Variants in MICAL3 observed in about 807,000 individuals in gnomAD.
MICAL3 encodes the protein microtubule associated monooxygenase, calponin and LIM domain containing 3.
Under a neutral mutation model 207.4 loss-of-function variants are expected in MICAL3, and 62 were observed. The observed-to-expected ratio is 0.30, with a 90% CI of 0.24 to 0.37. The LOEUF (loss-of-function observed/expected upper bound fraction) is 0.37. MICAL3 is among the 10% of genes least tolerant of loss of function. The pLI, the probability that MICAL3 is intolerant of heterozygous loss-of-function variation, is 1.00. For missense variants in MICAL3, 2,368 were observed against 2,635.6 expected, an observed-to-expected ratio of 0.90 and a Z score of 2.22; for synonymous variants, 1,077 against 1,069.3, an observed-to-expected ratio of 1.01 and a Z score of -0.14.
rs141404569 is a variant in MICAL3 at position 17,954,040 on chromosome 22, C to T, written c.-74-47154G>A. Among the ~76,000 whole-genome samples the T allele has an allele frequency of 7.8e-4, 115 of 147,732 alleles. 1 individual carries two copies. Among genetic ancestry groups the T allele is most frequent in the Non-Finnish European group, 1.4e-3 (97 of 67,414 alleles). On this transcript the variant is annotated intron_variant, in intron 1 of 31. Coordinates refer to ENST00000441493, the MANE Select transcript of MICAL3 (RefSeq NM_015241.3). ...ACGGCATTCTGGGGAAGCAGTGTGA[C>T]ATTTATATGAAATATATGAGGTGAG... is the stretch of plus-strand genomic sequence containing the variant.
intron 1 of MICAL3, among the ~76,000 whole-genome samples, chr22:17,924,830 T>C (rs897069255): frequency 2.6e-5 from 4 of 152,130 alleles, no homozygotes; most frequent in African/African-American, 4.8e-5. Flanking sequence ...CAGGATGACA[T>C]AGTAACATGC....
At position 17,817,668 on chromosome 22, in the gene MICAL3, G is replaced by C; in HGVS notation, c.4993C>G (p.His1665Asp). 6.2e-7 allele frequency: 1 copy of C among 1,610,960 alleles called. No homozygotes were observed. The highest frequency in any genetic ancestry group is 8.5e-7 in the Non-Finnish European group (1 of 1,179,228). The change falls in exon 26 of 32, where the codon CAT becomes GAT. Residue 1665 changes from histidine (H) to aspartate (D), a missense_variant. His to Asp is a moderately conservative substitution (Grantham distance 81). Around this residue, in one of 4 missense-constraint regions of MICAL3, gnomAD observed 1,770 missense variants for 1,863.2 expected, o/e 0.95. Transcript: ENST00000441493. The stretch of plus-strand genomic sequence containing the variant: ...AGGACCTCCTCGCTGGTGGCTTCAT[G>C]CTTCAGGGTGGGCTCCTCGGAGCCC... ...LRGSEEPTLKHEATSEEVLSP... is the reference protein window; with the variant it reads ...LRGSEEPTLKDEATSEEVLSP...
intron 16 of MICAL3, chr22:17,876,572 T>G (rs1334508332): frequency 6.6e-6 from 1 of 152,340 alleles, no homozygotes; most frequent in Non-Finnish European, 1.5e-5. Flanking sequence ...GCACCGCCCC[T>G]CAGAAGGAAG....
At chr22:17,797,894 C>T (rs1235230781) in intron 29 of MICAL3, among the ~76,000 whole-genome samples, 1 of 152,246 alleles carries the variant, frequency 6.6e-6, no homozygotes, top group Non-Finnish European at 1.5e-5. Context: ...GACAACTGGC[C>T]CCGGGGACCT....
chr22:17,971,689 T>C (rs1350176635), intron 1 of MICAL3, among the ~76,000 whole-genome samples: 3 of 152,126 alleles, frequency 2.0e-5, no homozygotes, highest in African/African-American at 7.2e-5. Flanking sequence ...CAGCCATCGG[T>C]GTAAAAACGT....
chr22:17,877,138 AGGTT>A (rs1928677288), intron 16 of MICAL3, among the ~76,000 whole-genome samples: 1 of 143,534 alleles, frequency 7.0e-6, no homozygotes, highest in African/African-American at 2.8e-5. Flanking sequence ...GAGGTTAGGG[AGGTT>A]ATGGAGGTTA....
chr22:17,882,680 C>T (rs147448224), intron 16 of MICAL3, among the ~76,000 whole-genome samples: 16 of 152,208 alleles, frequency 1.1e-4, no homozygotes, highest in African/African-American at 2.7e-4. Flanking sequence ...CTGGTAAATT[C>T]GCAAATCCCT....
intron 16 of MICAL3, among the ~76,000 whole-genome samples, chr22:17,880,856 C>T (rs951532307): frequency 2.0e-5 from 3 of 152,214 alleles, no homozygotes; most frequent in East Asian, 1.9e-4. Flanking sequence ...CACTGTGCAG[C>T]GAGAGAAAAG....
At chr22:18,007,751 G>A (rs443435) in intron 1 of MICAL3, among the ~76,000 whole-genome samples, 63,700 of 150,688 alleles carry the variant, frequency 0.42, 14,244 homozygotes, top group East Asian at 0.61. Flanking sequence ...CAGGTGATCG[G>A]GACCATCCTG....
rs1186009323 is a variant in MICAL3, at chr22:17,897,064, C to T, written c.949-83G>A. ...CATGTTACACAACCCAGGGCCACAG[C>T]TTCTTCTTCCCCCTAAAGTGACTCC... On this transcript the variant is annotated intron_variant, in intron 7 of 31. Transcript: ENST00000441493. 4.9e-6 allele frequency: 7 copies of T among 1,439,260 alleles called. No individual in the cohort carries two copies. The Admixed American group carries it at 8.8e-5, about 18-fold the overall frequency. The allele number at this position is 1,439,260 out of a possible 1,614,324, so 89.2% of individuals were successfully genotyped here. A position where few individuals can be genotyped will look rare whatever the true frequency, so the allele number is the denominator to read the frequency against.
At chr22:17,807,665 C>T (rs556230356) in intron 29 of MICAL3, among the ~76,000 whole-genome samples, 1 of 152,318 alleles carries the variant, frequency 6.6e-6, no homozygotes, top group South Asian at 2.1e-4. Flanking sequence ...CCATTCTGGA[C>T]TCCCTCACTC....
chr22:17,954,291 A>T (rs1934507822), intron 1 of MICAL3, among the ~76,000 whole-genome samples: 1 of 152,046 alleles, frequency 6.6e-6, no homozygotes, highest in Admixed American at 6.5e-5. Context: ...AGTGGGGGAC[A>T]GAGATCAGGT....
chr22:18,005,512 C>G (rs1449271806), intron 1 of MICAL3: 3 of 152,180 alleles, frequency 2.0e-5, no homozygotes, highest in Non-Finnish European at 4.4e-5. Flanking sequence ...TACAAAATAG[C>G]AAAACCTAAG....
At chr22:17,794,278 G>T (rs530802847) in intron 29 of MICAL3, among the ~76,000 whole-genome samples, 1 of 152,374 alleles carries the variant, frequency 6.6e-6, no homozygotes, top group South Asian at 2.1e-4. Context: ...GGTCTGCCTG[G>T]CTCTGAGACA....
intron 1 of MICAL3, among the ~76,000 whole-genome samples, chr22:17,977,381 T>G (rs115002422): frequency 1.3e-3 from 191 of 152,074 alleles, no homozygotes; most frequent in African/African-American, 4.4e-3. Flanking sequence ...GCCAAAGGAT[T>G]TGGACAGATA....
Position 17,863,278 on chromosome 22 carries a change from GTTTCT to G in MICAL3, c.2605+1616_2605+1620del, listed in dbSNP as rs771326445. 3.9e-5 allele frequency: 38 copies of G among 985,372 alleles called. No individual in the cohort carries two copies. The South Asian group carries it at 1.4e-3, about 35-fold the overall frequency. 61.0% of individuals were successfully genotyped at this position (985,372 alleles called of 1,614,324 possible). ...ACTCCAAACCGAAATGGAAAGTTTA[GTTTCT>G]TTTGAGTTGTTCTACTGAGTAGTCA... On this transcript the variant is annotated intron_variant, in intron 19 of 31. Coordinates refer to ENST00000441493, the MANE Select transcript of MICAL3 (RefSeq NM_015241.3).
At chr22:17,924,138 C>T (rs969965780) in intron 1 of MICAL3, among the ~76,000 whole-genome samples, 5 of 152,222 alleles carry the variant, frequency 3.3e-5, no homozygotes, top group Non-Finnish European at 2.9e-5. Context: ...CCTCCCACGA[C>T]ACGTGGGGAA....
intron 1 of MICAL3, among the ~76,000 whole-genome samples, chr22:17,931,110 C>A (rs1279197002): frequency 6.6e-6 from 1 of 152,204 alleles, no homozygotes; most frequent in East Asian, 1.9e-4. Flanking sequence ...ACATCCCCAC[C>A]ATCTGGACCC....
At chr22:18,005,738 A>T (rs1923347628) in intron 1 of MICAL3, 1 of 152,182 alleles carries the variant, frequency 6.6e-6, no homozygotes, top group Non-Finnish European at 1.5e-5. Flanking sequence ...TGGTGGCTAG[A>T]ATTAGCCCCA....
Sources: allele counts gnomAD v4.1 joint callset (sites outside exome capture counted in the v4.1 genomes callset), GRCh38; gene constraint gnomAD v4.1.1; regional missense constraint gnomAD v4.1.1; transcripts MANE v1.5; gene names NCBI Gene and HGNC (gene_info 2026-07-23, HGNC 2026-07-21).